ZNF626: variants seen among roughly 807,000 people sequenced by gnomAD.
ZNF626 encodes CTC-513N18.7.
ZNF626 carries 4 observed loss-of-function variants against 11.7 expected under a neutral mutation model. The ratio of observed to expected loss-of-function variants is 0.34; its 90% confidence interval spans 0.17 to 0.78. The LOEUF (loss-of-function observed/expected upper bound fraction) is 0.78, where lower values mean the gene tolerates loss of function less well. Ranked by LOEUF, ZNF626 falls within the 30% of genes least tolerant of loss-of-function variation. ZNF626 has a pLI of 0.57. For synonymous variants in ZNF626, 179 were observed against 198.6 expected (o/e 0.90, Z 0.83); for missense variants, 588 against 587.1 (o/e 1.00, Z -0.01).
intron 3 of ZNF626, 109 bp from the exon 4 acceptor site, chr19:20,625,759 C>G: frequency 8.9e-7 from 1 of 1,117,382 alleles, no homozygotes. Context: ...CAAGATGACA[C>G]AGGAAAATAC....
chr19:20,627,619 T>C (rs1599472646), intron 3 of ZNF626, among the ~76,000 whole-genome samples: 2 of 152,068 alleles, frequency 1.3e-5, no homozygotes, highest in Admixed American at 1.3e-4. Context: ...TATATAATTA[T>C]CTTTCCAATC....
At chr19:20,646,901 G>A (rs989009054) in intron 1 of ZNF626, among the ~76,000 whole-genome samples, 2 of 152,106 alleles carry the variant, frequency 1.3e-5, no homozygotes, top group Admixed American at 1.3e-4. Flanking sequence ...AAGCTGGAGT[G>A]AAATGGTGCC....
At chr19:20,656,809 G>C (rs1479061828) in intron 1 of ZNF626, among the ~76,000 whole-genome samples, 2 of 152,110 alleles carry the variant, frequency 1.3e-5, no homozygotes, top group Non-Finnish European at 2.9e-5. Flanking sequence ...TGCTGGCAAG[G>C]TTGCAGAGAA....
rs782107864 is a variant in ZNF626, at chr19:20,624,991, G to T, written c.886C>A (p.Arg296=). 1.2e-6 allele frequency: 2 copies of T among 1,612,880 alleles called. No homozygotes were observed. The part of the protein sequence containing the change: ...KCEECGKAFN[R]SSTLTTHKII... ...TTATGTGTAGTAAGGGTTGAGGACC[G>T]GTTGAAGGCTTTGCCACATTCTTCA... is the stretch of plus-strand genomic sequence containing the variant. Residue 296 remains arginine, a synonymous_variant, in exon 4 of 4, where the codon CGG becomes AGG. Transcript: ENST00000601440.
chr19:20,641,052 C>T (rs1970019065), intron 3 of ZNF626, among the ~76,000 whole-genome samples: 1 of 150,836 alleles, frequency 6.6e-6, no homozygotes, highest in South Asian at 2.1e-4. Context: ...AGGAGAATCG[C>T]TTGAACCCAG....
At position 20,622,989 on chromosome 19, in the gene ZNF626, A is replaced by G. The variant is rs963750380; in HGVS notation, c.*1301T>C. The G allele has an allele frequency of 6.6e-6, 1 of 152,160 alleles. No homozygotes were observed. Among genetic ancestry groups the G allele is most frequent in the Non-Finnish European group, 1.5e-5 (1 of 68,036 alleles). 9.4% of individuals were successfully genotyped at this position (152,160 alleles called of 1,614,324 possible). A position where few individuals can be genotyped will look rare whatever the true frequency, so the allele number is the denominator to read the frequency against. ...CTCTGATGTTGAGCAAAGCTTGAGC[A>G]ACTGCTTCAGGATTTTCCTCTAGTA... On this transcript the variant is annotated 3_prime_UTR_variant, in exon 4 of 4. Transcript: ENST00000601440.
intron 3 of ZNF626, among the ~76,000 whole-genome samples, chr19:20,630,010 G>C (rs1379184002): frequency 2.6e-5 from 4 of 152,098 alleles, no homozygotes; most frequent in African/African-American, 9.7e-5. Context: ...TTTTGTGAAA[G>C]GCCTTTTCTG....
chr19:20,625,696 A>G, intron 3 of ZNF626, 46 bp from the exon 4 acceptor site: 1 of 1,480,070 alleles, frequency 6.8e-7, no homozygotes, highest in Non-Finnish European at 9.0e-7. Flanking sequence ...GTAGACTCAG[A>G]TAAATATAAA....
At chr19:20,645,353 G>A in intron 3 of ZNF626, 1 of 1,578,766 alleles carries the variant, frequency 6.3e-7, no homozygotes, top group South Asian at 1.2e-5. Flanking sequence ...AGACATTTGT[G>A]CGTCCCAAAA....
intron 3 of ZNF626, among the ~76,000 whole-genome samples, chr19:20,635,667 G>A (rs12975304): frequency 0.45 from 68,344 of 152,024 alleles, 16,624 homozygotes; most frequent in African/African-American, 0.64. Flanking sequence ...GACACATAAC[G>A]CATAAGTAAA....
At chr19:20,650,358 T>TA (rs1555772464) in intron 1 of ZNF626, among the ~76,000 whole-genome samples, 5 of 152,336 alleles carry the variant, frequency 3.3e-5, no homozygotes, top group African/African-American at 1.2e-4. Context: ...TATTTACATT[T>TA]TTGTGACTTG....
chr19:20,640,803 A>G (rs1970016428), intron 3 of ZNF626, among the ~76,000 whole-genome samples: 1 of 152,148 alleles, frequency 6.6e-6, no homozygotes, highest in South Asian at 2.1e-4. Flanking sequence ...AGGTGCAGTC[A>G]TTATTTTAAA....
At chr19:20,647,008 C>T (rs1036120462) in intron 1 of ZNF626, among the ~76,000 whole-genome samples, 3 of 148,298 alleles carry the variant, frequency 2.0e-5, no homozygotes, top group Non-Finnish European at 3.0e-5. Context: ...TCACCGCACC[C>T]GGTAATTTTT....
intron 1 of ZNF626, among the ~76,000 whole-genome samples, chr19:20,655,904 CA>C: frequency 6.6e-6 from 1 of 150,802 alleles, no homozygotes; most frequent in Non-Finnish European, 1.5e-5. Context: ...CACTGCACTC[CA>C]GCCTGGGTGG....
rs782221073 is a variant in ZNF626, at chr19:20,646,296, C to T, written c.113G>A (p.Ser38Asn). 4.6e-5 allele frequency: 75 copies of T among 1,613,856 alleles called. No individual in the cohort carries two copies. The highest frequency in any genetic ancestry group is 5.8e-5 in the Non-Finnish European group (69 of 1,179,930). ...LYRNVMLENY[S>N]NLVFLGITVS... ...ATCCTCACCAAGGAAGACCAGGTTA[C>T]TGTAGTTCTCTAACATCACATTCCT... The change falls in exon 2 of 4, where the codon AGT (serine) becomes AAT (asparagine). Residue 38 changes from serine (S) to asparagine (N), a missense_variant. Around this residue, in one of 4 missense-constraint regions of ZNF626, gnomAD observed 524 missense variants for 470.1 expected, o/e 1.11. Coordinates refer to ENST00000601440, the MANE Select transcript of ZNF626 (RefSeq NM_001076675.3).
intron 3 of ZNF626, among the ~76,000 whole-genome samples, chr19:20,643,299 A>T (rs1304493798): frequency 1.3e-5 from 2 of 152,148 alleles, no homozygotes; most frequent in Non-Finnish European, 2.9e-5. Context: ...AAACACAGAA[A>T]AAAATATATA....
chr19:20,660,219 G>A (rs1970249315), intron 1 of ZNF626, among the ~76,000 whole-genome samples: 1 of 143,372 alleles, frequency 7.0e-6, no homozygotes, highest in Non-Finnish European at 1.5e-5. Flanking sequence ...ATTCCAGCCT[G>A]GGCACCACAA....
intron 1 of ZNF626, among the ~76,000 whole-genome samples, chr19:20,650,239 A>G (rs1970131135): frequency 7.0e-6 from 1 of 142,524 alleles, no homozygotes; most frequent in Non-Finnish European, 1.5e-5. Flanking sequence ...TCTGCCATCA[A>G]ATTTGTTAAA....
chr19:20,625,559 A>G lies in ZNF626; in HGVS notation c.318T>C (p.Cys106=). 6.2e-7 allele frequency: 1 copy of G among 1,612,616 alleles called. No individual in the cohort carries two copies. ...QKVVLRRYEK[C]EHDNLQLKKG... ...TTTTTAACTGTAAATTGTCATGTTC[A>G]CATTTTTCATATCTTCTCAGTACCA... is the stretch of plus-strand genomic sequence containing the variant. Residue 106 remains cysteine, a synonymous_variant, in exon 4 of 4, where the codon TGT becomes TGC. Transcript: ENST00000601440.
Sources: gnomAD v4.1 joint callset for allele counts (sites outside exome capture counted in the v4.1 genomes callset) on GRCh38, gnomAD v4.1.1 for gene constraint, gnomAD v4.1.1 regional missense constraint, MANE v1.5 for transcripts, NCBI Gene and HGNC (gene_info 2026-07-23, HGNC 2026-07-21) for gene names.